Variants in ATP11B observed in about 807,000 individuals in gnomAD.
The protein encoded by ATP11B is phospholipid-transporting ATPase IF.
ATP11B carries 81 observed loss-of-function variants against 157.8 expected under a neutral mutation model. The ratio of observed to expected loss-of-function variants is 0.51; its 90% CI spans 0.43 to 0.62. ATP11B has a LOEUF of 0.62. Among genes scored for constraint, ATP11B ranks in the 20% least tolerant of loss-of-function variants. The probability of loss-of-function intolerance (pLI) is 0.00; values close to 1 mark genes in which losing one functional copy is unlikely to be tolerated. For missense variants in ATP11B, 1,165 were observed against 1,402.2 expected (o/e 0.83, Z 2.70); for synonymous variants, 451 against 469.4 (o/e 0.96, Z 0.51).
chr3:182,879,378 A>G (rs1722264268), intron 19 of ATP11B, 118 bp from the exon 20 acceptor site: 3 of 847,392 alleles, frequency 3.5e-6, no homozygotes, highest in South Asian at 5.6e-5. Flanking sequence ...ACAGTCTTGT[A>G]ACAGTAAGGG....
chr3:182,855,203 T>C (rs141056160), intron 10 of ATP11B, among the ~76,000 whole-genome samples: 3 of 152,260 alleles, frequency 2.0e-5, no homozygotes, highest in African/African-American at 7.2e-5. Context: ...AAAGAATAGA[T>C]ACATAGATCA....
At chr3:182,835,931 G>A (rs1718514674) in intron 4 of ATP11B, 104 bp from the exon 5 acceptor site, 2 of 773,276 alleles carry the variant, frequency 2.6e-6, no homozygotes, top group African/African-American at 1.8e-5. Flanking sequence ...ATATGATTCT[G>A]GAATGTAGTG....
chr3:182,876,294 C>T (rs1375047284), intron 19 of ATP11B, among the ~76,000 whole-genome samples: 6 of 152,022 alleles, frequency 3.9e-5, no homozygotes, highest in Non-Finnish European at 5.9e-5. Context: ...AAAGCTTATG[C>T]AGTGGTTAAT....
At chr3:182,889,323 T>C in intron 24 of ATP11B, 87 bp from the exon 25 acceptor site, 1 of 966,298 alleles carries the variant, frequency 1.0e-6, no homozygotes. Flanking sequence ...ATCTATCTTG[T>C]TTTTTAATTA....
intron 1 of ATP11B, among the ~76,000 whole-genome samples, chr3:182,804,134 T>C (rs1716175452): frequency 6.6e-6 from 1 of 152,228 alleles, no homozygotes; most frequent in African/African-American, 2.4e-5. Flanking sequence ...TTGATGATTA[T>C]AAGCTATGGA....
At chr3:182,847,743 T>G (rs2108521851) in intron 9 of ATP11B, among the ~76,000 whole-genome samples, 2 of 152,290 alleles carry the variant, frequency 1.3e-5, no homozygotes, top group Middle Eastern at 6.8e-3. Context: ...TATGAGGTAT[T>G]TTTTCCCATT....
At chr3:182,821,744 G>A (rs1034970188) in intron 2 of ATP11B, among the ~76,000 whole-genome samples, 2 of 152,206 alleles carry the variant, frequency 1.3e-5, no homozygotes, top group African/African-American at 4.8e-5. Flanking sequence ...GTAGCTACAT[G>A]TGACTAGTGG....
At position 182,877,499 on chromosome 3, in the gene ATP11B, G is replaced by A. The variant is rs114802933; in HGVS notation, c.2253-1997G>A. Among the ~76,000 whole-genome samples, 836 of 152,244 alleles carry A rather than the reference G, an allele frequency of 5.5e-3. 10 individuals carry two copies. Among genetic ancestry groups the A allele is most frequent in the African/African-American group, 0.019 (788 of 41,538 alleles). On this transcript the variant is annotated intron_variant, in intron 19 of 29. Transcript: ENST00000323116. ...TCTACAAACAATACAAAAATTAGAC[G>A]TGTGTGGTGACACATACCTGCAGTC...
chr3:182,837,264 T>G, intron 7 of ATP11B, 90 bp downstream of exon 7: 1 of 955,270 alleles, frequency 1.0e-6, no homozygotes, highest in Non-Finnish European at 1.5e-6. Flanking sequence ...AATCTTTAGC[T>G]AATTGGAGAC....
rs555142878 is a variant in ATP11B, at chr3:182,823,224, C to T, written c.144+2848C>T. 2.0e-4 allele frequency among the ~76,000 whole-genome samples: 31 copies of T among 152,284 alleles called. No homozygotes were observed. The East Asian group carries it at 6.0e-3, about 29-fold the overall frequency. On this transcript the variant is annotated intron_variant, in intron 2 of 29. Coordinates refer to ENST00000323116, the MANE Select transcript of ATP11B (RefSeq NM_014616.3). ...TCCTGAATGGGATTGCCTAGGTTTT[C>T]TTCTAGGGTTTTTATGGTTTTAGGT...
chr3:182,847,286 G>C (rs905953328), intron 9 of ATP11B, among the ~76,000 whole-genome samples: 1 of 152,126 alleles, frequency 6.6e-6, no homozygotes, highest in African/African-American at 2.4e-5. Flanking sequence ...TGATCCACCT[G>C]CCTTGGCCTC....
chr3:182,877,912 A>C (rs1205860019), intron 19 of ATP11B, among the ~76,000 whole-genome samples: 1 of 152,098 alleles, frequency 6.6e-6, no homozygotes, highest in Admixed American at 6.6e-5. Flanking sequence ...AGGAAAACCT[A>C]ATTTCATGTG....
At chr3:182,795,846 C>T (rs1715565697) in intron 1 of ATP11B, among the ~76,000 whole-genome samples, 1 of 152,204 alleles carries the variant, frequency 6.6e-6, no homozygotes, top group South Asian at 2.1e-4. Flanking sequence ...TTAGATTATA[C>T]TTCCAGTGGC....
chr3:182,807,042 A>T (rs200179066), intron 1 of ATP11B, among the ~76,000 whole-genome samples: 8 of 13,492 alleles, frequency 5.9e-4, no homozygotes, highest in East Asian at 1.4e-3. Flanking sequence ...GTATTAATTT[A>T]AAAAAAAAAA....
intron 25 of ATP11B, among the ~76,000 whole-genome samples, chr3:182,894,329 G>C (rs1183594375): frequency 1.3e-5 from 2 of 152,204 alleles, no homozygotes; most frequent in Admixed American, 1.3e-4. Flanking sequence ...TGGGATTACA[G>C]GCATGGGCCA....
At chr3:182,892,755 T>C (rs1723260580) in intron 25 of ATP11B, among the ~76,000 whole-genome samples, 1 of 152,184 alleles carries the variant, frequency 6.6e-6, no homozygotes, top group Admixed American at 6.5e-5. Flanking sequence ...TTGATCAATT[T>C]TCTCTAAGAT....
At chr3:182,797,567 G>A (rs1715700534) in intron 1 of ATP11B, among the ~76,000 whole-genome samples, 1 of 152,082 alleles carries the variant, frequency 6.6e-6, no homozygotes. Context: ...AATTTGCCTG[G>A]CGTGGTGATG....
At chr3:182,808,740 A>G (rs9877735) in intron 1 of ATP11B, among the ~76,000 whole-genome samples, 5,759 of 152,168 alleles carry the variant, frequency 0.038, 371 homozygotes, top group African/African-American at 0.13. Context: ...CATAAACTTT[A>G]TTTTAGAATG....
intron 2 of ATP11B, among the ~76,000 whole-genome samples, chr3:182,825,548 G>T (rs553583577): frequency 2.6e-5 from 4 of 151,964 alleles, no homozygotes; most frequent in Non-Finnish European, 4.4e-5. Context: ...GTGAAACCCC[G>T]TCTCTACTAA....
Sources: gnomAD v4.1 joint callset for allele counts (sites outside exome capture counted in the v4.1 genomes callset) on GRCh38, gnomAD v4.1.1 for gene constraint, MANE v1.5 for transcripts, NCBI Gene and HGNC (gene_info 2026-07-23, HGNC 2026-07-21) for gene names.